The following TBC1D22A variants were observed in gnomAD, a reference collection of about 807,000 sequenced individuals.
The protein encoded by TBC1D22A is TBC1 domain family member 22A.
A neutral mutation model predicts 60.2 loss-of-function variants in TBC1D22A; 38 were observed. That is an observed-to-expected ratio of 0.63 (90% confidence interval 0.49 to 0.83). The LOEUF (loss-of-function observed/expected upper bound fraction) is 0.83. TBC1D22A is among the 40% of genes least tolerant of loss of function. TBC1D22A has a pLI of 0.00. For synonymous variants in TBC1D22A, 302 were observed against 281.7 expected, an observed-to-expected ratio of 1.07 and a Z score of -0.72; for missense variants, 628 against 701.0, an observed-to-expected ratio of 0.90 and a Z score of 1.18.
chr22:47,070,560 C>T (rs1406271865), intron 11 of TBC1D22A, among the ~76,000 whole-genome samples: 1 of 129,610 alleles, frequency 7.7e-6, no homozygotes. Flanking sequence ...TTTGGTTGGA[C>T]GCTGTCCCCT....
At chr22:46,876,359 CAT>C (rs1363006202) in intron 4 of TBC1D22A, among the ~76,000 whole-genome samples, 3 of 152,230 alleles carry the variant, frequency 2.0e-5, no homozygotes, top group Admixed American at 6.5e-5. Context: ...TACAAAGACA[CAT>C]GTGCATACAA....
intron 4 of TBC1D22A, among the ~76,000 whole-genome samples, chr22:46,814,881 T>A (rs2085528736): frequency 6.6e-6 from 1 of 151,686 alleles, no homozygotes; most frequent in African/African-American, 2.4e-5. Flanking sequence ...CTCGAACCCC[T>A]GACCTCAGGT....
At chr22:46,904,622 C>A (rs540170922) in intron 7 of TBC1D22A, among the ~76,000 whole-genome samples, 1 of 151,904 alleles carries the variant, frequency 6.6e-6, no homozygotes, top group African/African-American at 2.4e-5. Flanking sequence ...GCGCCCGCCA[C>A]CACGCCCGGC....
intron 4 of TBC1D22A, among the ~76,000 whole-genome samples, chr22:46,806,527 A>G (rs1398302177): frequency 6.7e-6 from 1 of 149,424 alleles, no homozygotes; most frequent in African/African-American, 2.4e-5. Flanking sequence ...TTAAATTTAA[A>G]TTAAATTTTA....
intron 4 of TBC1D22A, among the ~76,000 whole-genome samples, chr22:46,852,754 C>T (rs776981398): frequency 1.3e-5 from 2 of 152,174 alleles, no homozygotes; most frequent in East Asian, 1.9e-4. Flanking sequence ...GTCTGAGCTC[C>T]GTCCATCTCG....
At chr22:46,910,912 G>C (rs1366676868) in intron 7 of TBC1D22A, among the ~76,000 whole-genome samples, 1 of 152,076 alleles carries the variant, frequency 6.6e-6, no homozygotes, top group East Asian at 1.9e-4. Flanking sequence ...TGACTGGCAG[G>C]CTCAGTTGGG....
intron 9 of TBC1D22A, among the ~76,000 whole-genome samples, chr22:46,986,849 T>C (rs1476189488): frequency 1.3e-5 from 2 of 152,216 alleles, no homozygotes; most frequent in African/African-American, 2.4e-5. Context: ...TCAGGATCTC[T>C]GTCAGGGCAT....
At chr22:46,858,463 C>T (rs915120423) in intron 4 of TBC1D22A, among the ~76,000 whole-genome samples, 5 of 151,864 alleles carry the variant, frequency 3.3e-5, no homozygotes, top group Non-Finnish European at 5.9e-5. Context: ...TGGCAAACAC[C>T]CCCCCCAGCT....
chr22:47,074,329 A>T (rs1056626873), intron 11 of TBC1D22A, among the ~76,000 whole-genome samples: 2 of 152,146 alleles, frequency 1.3e-5, no homozygotes, highest in African/African-American at 4.8e-5. Context: ...TGTTTTCCCT[A>T]ATGTGTGTCA....
chr22:47,139,264 C>T (rs1281771365), intron 12 of TBC1D22A, among the ~76,000 whole-genome samples: 11 of 152,346 alleles, frequency 7.2e-5, no homozygotes, highest in African/African-American at 1.2e-4. Flanking sequence ...TCCAGTTGCC[C>T]GCACGGAACT....
intron 8 of TBC1D22A, among the ~76,000 whole-genome samples, chr22:46,943,952 A>G (rs770751629): frequency 7.9e-5 from 12 of 152,192 alleles, no homozygotes; most frequent in African/African-American, 1.4e-4. Flanking sequence ...CCATTCATCA[A>G]TGGATGGACA....
At chr22:47,066,185 C>A (rs1453907971) in intron 11 of TBC1D22A, among the ~76,000 whole-genome samples, 1 of 152,226 alleles carries the variant, frequency 6.6e-6, no homozygotes, top group African/African-American at 2.4e-5. Flanking sequence ...GGGTACAGCT[C>A]ACAGGCGTTT....
At chr22:46,894,976 A>T (rs2068598039) in intron 7 of TBC1D22A, 130 bp downstream of exon 7, 1 of 892,450 alleles carries the variant, frequency 1.1e-6, no homozygotes, top group African/African-American at 1.6e-5. Flanking sequence ...CTGCCGGTGC[A>T]TCTAGCCCTT....
intron 12 of TBC1D22A, among the ~76,000 whole-genome samples, chr22:47,147,903 A>G (rs1305353673): frequency 6.6e-6 from 1 of 152,160 alleles, no homozygotes; most frequent in East Asian, 1.9e-4. Context: ...AGTGGAGGCC[A>G]CTGAGGGCTT....
At chr22:47,159,843 CACAT>C (rs1486268269) in intron 12 of TBC1D22A, among the ~76,000 whole-genome samples, 1 of 151,804 alleles carries the variant, frequency 6.6e-6, no homozygotes, top group East Asian at 1.9e-4. Context: ...CACCACACTC[CACAT>C]ACAGACACAA....
At chr22:47,102,472 GT>G (rs1393168809) in intron 11 of TBC1D22A, among the ~76,000 whole-genome samples, 10 of 152,162 alleles carry the variant, frequency 6.6e-5, no homozygotes, top group African/African-American at 1.9e-4. Flanking sequence ...ACGCCTCCCT[GT>G]TTTCCCACTG....
chr22:47,060,353 T>G (rs2063530233), intron 11 of TBC1D22A, among the ~76,000 whole-genome samples: 1 of 151,672 alleles, frequency 6.6e-6, no homozygotes, highest in Admixed American at 6.6e-5. Flanking sequence ...GCGATTCTTC[T>G]GCCTCAGCCT....
intron 11 of TBC1D22A, among the ~76,000 whole-genome samples, chr22:47,056,205 G>T (rs560490981): frequency 6.6e-6 from 1 of 152,188 alleles, no homozygotes; most frequent in South Asian, 2.1e-4. Context: ...CCACACTGCT[G>T]CTCCCCAGCC....
intron 12 of TBC1D22A, among the ~76,000 whole-genome samples, chr22:47,144,727 G>A (rs987756345): frequency 8.8e-5 from 13 of 147,322 alleles, no homozygotes; most frequent in African/African-American, 1.3e-4. Context: ...GGTGCAGCCC[G>A]TGAAGGTGCC....
Sources: gnomAD v4.1 joint callset for allele counts (sites outside exome capture counted in the v4.1 genomes callset) on GRCh38, gnomAD v4.1.1 for gene constraint, MANE v1.5 for transcripts, NCBI Gene and HGNC (gene_info 2026-07-23, HGNC 2026-07-21) for gene names.